Variants in APLP2 observed in about 807,000 individuals in gnomAD.
The protein encoded by APLP2 is CDEI box-binding protein.
A neutral mutation model predicts 89.9 loss-of-function variants in APLP2; 53 were observed. The observed-to-expected ratio is 0.59, with a 90% confidence interval of 0.47 to 0.74. APLP2 has a LOEUF of 0.74. Ranked by LOEUF, APLP2 falls within the 30% of genes least tolerant of loss-of-function variation. The probability of loss-of-function intolerance (pLI) is 0.00; values close to 1 mark genes in which losing one functional copy is unlikely to be tolerated. For synonymous variants in APLP2, 372 were observed against 348.6 expected, an observed-to-expected ratio of 1.07 and a Z score of -0.75; for missense variants, 973 against 975.9, an observed-to-expected ratio of 1.00 and a Z score of 0.04.
Position 130,093,194 on chromosome 11 carries a change from G to A in APLP2, c.106-16235G>A, listed in dbSNP as rs1319621875. On this transcript the variant is annotated intron_variant, in intron 1 of 16. Coordinates refer to ENST00000338167, the MANE Select transcript of APLP2 (RefSeq NM_001142276.2). ...AGAGGCAAAGGCCGCTCTTGACCTTGTGCATGTGCAGGAAACTTCCAGAAA... is the reference window on the plus strand; with the variant it reads ...AGAGGCAAAGGCCGCTCTTGACCTTATGCATGTGCAGGAAACTTCCAGAAA... Among the ~76,000 whole-genome samples, 3 of 152,348 alleles carry A rather than the reference G, an allele frequency of 2.0e-5. No homozygotes were observed. The East Asian group carries it at 5.8e-4, about 29-fold the overall frequency.
intron 9 of APLP2, among the ~76,000 whole-genome samples, 157 bp downstream of exon 9, chr11:130,127,997 G>C (rs1342061858): frequency 6.6e-6 from 1 of 152,174 alleles, no homozygotes; most frequent in Non-Finnish European, 1.5e-5. Context: ...TTCACCTCAA[G>C]TATTGCTAAC....
intron 3 of APLP2, among the ~76,000 whole-genome samples, chr11:130,118,076 CAAA>C (rs71061363): frequency 2.1e-5 from 2 of 94,466 alleles, no homozygotes; most frequent in African/African-American, 3.1e-5. Context: ...GACTCCATCT[CAAA>C]AAAAAAAAAA....
rs553962550 is a variant in APLP2, at chr11:130,083,026, C to CTTTTTTTTTTTTTTTTTTTTTTTTTT, written c.105+12946_105+12971dup. On this transcript the variant is annotated intron_variant, in intron 1 of 16. Coordinates refer to ENST00000338167, the MANE Select transcript of APLP2 (RefSeq NM_001142276.2). ...TATTAACCACTGAAACTTTTCTTTT[C>CTTTTTTTTTTTTTTTTTTTTTTTTTT]TTTTTTTTTTTTTTTTTTTTTTTTT... 1.2e-4 allele frequency among the ~76,000 whole-genome samples: 9 copies of CTTTTTTTTTTTTTTTTTTTTTTTTTT among 72,524 alleles called. 2 individuals carry two copies. Among genetic ancestry groups the CTTTTTTTTTTTTTTTTTTTTTTTTTT allele is most frequent in the African/African-American group, 4.4e-4 (7 of 15,894 alleles). 47.6% of individuals were successfully genotyped at this position (72,524 alleles called of 152,430 possible). A position where few individuals can be genotyped will look rare whatever the true frequency, so the allele number is the denominator to read the frequency against.
intron 1 of APLP2, among the ~76,000 whole-genome samples, chr11:130,078,315 A>G: frequency 6.6e-6 from 1 of 152,066 alleles, no homozygotes; most frequent in Non-Finnish European, 1.5e-5. Flanking sequence ...GTACTCCATT[A>G]TATGAATAAA....
At chr11:130,090,601 A>T (rs1353729420) in intron 1 of APLP2, among the ~76,000 whole-genome samples, 1,068 of 150,966 alleles carry the variant, frequency 7.1e-3, no homozygotes, top group Non-Finnish European at 0.012. Context: ...GATCAACAGG[A>T]TCCCAAGGCA....
intron 1 of APLP2, among the ~76,000 whole-genome samples, chr11:130,090,897 A>ACCCC (rs71084496): frequency 1.1e-5 from 1 of 95,052 alleles, no homozygotes; most frequent in African/African-American, 5.7e-5. Context: ...GGGGGGGCTG[A>ACCCC]CCCCCCCCAT....
chr11:130,109,949 C>G (rs1248242276), intron 2 of APLP2: 1 of 220,080 alleles, frequency 4.5e-6, no homozygotes, highest in Non-Finnish European at 8.8e-6. Context: ...AAAGGATCAT[C>G]TCAGGTCTGA....
chr11:130,112,363 G>T (rs943502044), intron 3 of APLP2, among the ~76,000 whole-genome samples: 4 of 152,160 alleles, frequency 2.6e-5, no homozygotes, highest in Non-Finnish European at 4.4e-5. Context: ...CGCTGAAAAA[G>T]AAATGAGGGT....
intron 1 of APLP2, among the ~76,000 whole-genome samples, chr11:130,093,248 C>T (rs904509046): frequency 1.1e-4 from 17 of 152,282 alleles, no homozygotes; most frequent in African/African-American, 4.1e-4. Flanking sequence ...GTGTTCCCTT[C>T]TTAAATGTGA....
chr11:130,140,558 G>T, intron 14 of APLP2, 75 bp downstream of exon 14: 1 of 1,238,530 alleles, frequency 8.1e-7, no homozygotes, highest in Non-Finnish European at 1.1e-6. Context: ...GATGTCAGAT[G>T]CTTCCAGGTG....
chr11:130,072,666 A>G (rs1221945326), intron 1 of APLP2, among the ~76,000 whole-genome samples: 4 of 151,990 alleles, frequency 2.6e-5, no homozygotes, highest in South Asian at 2.1e-4. Flanking sequence ...TAGTAGAGAC[A>G]GGGTTTCACC....
chr11:130,137,278 C>G, intron 13 of APLP2: 1 of 1,614,058 alleles, frequency 6.2e-7, no homozygotes, highest in Non-Finnish European at 8.5e-7. Context: ...AGTTGTACCA[C>G]CCAATGAAAA....
At chr11:130,076,552 CA>C (rs1219140528) in intron 1 of APLP2, among the ~76,000 whole-genome samples, 1 of 152,168 alleles carries the variant, frequency 6.6e-6, no homozygotes, top group African/African-American at 2.4e-5. Context: ...ACCAGATACT[CA>C]ATCAGTGGCC....
chr11:130,095,102 T>C (rs1256452536), intron 1 of APLP2, among the ~76,000 whole-genome samples: 1 of 46,736 alleles, frequency 2.1e-5, no homozygotes, highest in African/African-American at 2.7e-4. Flanking sequence ...TACGCTTTTA[T>C]GTTATAATGA....
Position 130,109,427 on chromosome 11 carries a change from A to T in APLP2, c.106-2A>T. 6.2e-7 allele frequency: 1 copy of T among 1,606,538 alleles called. No individual in the cohort carries two copies. Among genetic ancestry groups the T allele is most frequent in the Non-Finnish European group, 8.5e-7 (1 of 1,176,846 alleles). ...AACCTGCAATTTTTTTCCCTTTGGT[A>T]GGCTCTTGCAGCCAATGCCGGAACA... is the stretch of plus-strand genomic sequence containing the variant. On this transcript the variant is annotated splice_acceptor_variant, in intron 1 of 16. Transcript: ENST00000338167. LOFTEE classifies it high-confidence loss of function.
chr11:130,099,823 C>T (rs372908769), intron 1 of APLP2, among the ~76,000 whole-genome samples: 3 of 152,174 alleles, frequency 2.0e-5, no homozygotes, highest in African/African-American at 4.8e-5. Context: ...CCCAGTTCTG[C>T]GCAATTGCAG....
intron 1 of APLP2, among the ~76,000 whole-genome samples, chr11:130,070,310 G>T (rs1004471534): frequency 2.6e-5 from 4 of 151,096 alleles, no homozygotes; most frequent in Non-Finnish European, 5.9e-5. Flanking sequence ...GAAAGGCGTC[G>T]GGGCTGCTGG....
chr11:130,123,730 G>GT lies in APLP2; in HGVS notation c.1041_1042insT (p.Asn348Ter), dbSNP rs1950082130. ...TATATGGTGGCTGCGGCGGCAACAGGAACAATTTTGAGTCTGAGGATTATT... is the reference window on the plus strand; with the variant it reads ...TATATGGTGGCTGCGGCGGCAACAGGTAACAATTTTGAGTCTGAGGATTATT... On this transcript the variant is annotated frameshift_variant, in exon 7 of 17. Coordinates refer to ENST00000338167, the MANE Select transcript of APLP2 (RefSeq NM_001142276.2). LOFTEE classifies it high-confidence loss of function. This position sits in a 1 kb window ranked among gnomAD's most constrained non-coding sequence, Gnocchi z 4.0. The GT allele has an allele frequency of 6.2e-7, 1 of 1,614,148 alleles. No individual in the cohort carries two copies. Among genetic ancestry groups the GT allele is most frequent in the South Asian group, 1.1e-5 (1 of 91,090 alleles).
chr11:130,136,399 T>G (rs1951608411), intron 13 of APLP2, among the ~76,000 whole-genome samples: 1 of 152,206 alleles, frequency 6.6e-6, no homozygotes, highest in Admixed American at 6.5e-5. Flanking sequence ...GCGGATGCTC[T>G]CCATCCTCAC....
Sources: gnomAD v4.1 joint callset for allele counts (sites outside exome capture counted in the v4.1 genomes callset) on GRCh38, gnomAD v4.1.1 for gene constraint, Gnocchi (gnomAD v3.1) non-coding constraint, MANE v1.5 for transcripts, NCBI Gene and HGNC (gene_info 2026-07-23, HGNC 2026-07-21) for gene names.